The following CSF1R variants were observed in gnomAD, a reference collection of about 807,000 sequenced individuals.
CSF1R encodes the protein macrophage colony-stimulating factor 1 receptor.
In CSF1R, 40 loss-of-function variants were observed where a neutral mutation model predicts 110.0. That is an observed-to-expected ratio of 0.36 (90% CI 0.28 to 0.47). The LOEUF (loss-of-function observed/expected upper bound fraction) is 0.47. Among genes scored for constraint, CSF1R ranks in the 20% least tolerant of loss-of-function variants. The pLI, the probability that CSF1R is intolerant of heterozygous loss-of-function variation, is 0.99. For missense variants in CSF1R, 1,052 were observed against 1,253.0 expected, an observed-to-expected ratio of 0.84 and a Z score of 2.42; for synonymous variants, 523 against 503.4, an observed-to-expected ratio of 1.04 and a Z score of -0.52.
chr5:150,106,368 C>A (rs942091091), intron 1 of CSF1R, among the ~76,000 whole-genome samples: 9 of 152,100 alleles, frequency 5.9e-5, no homozygotes, highest in Non-Finnish European at 1.5e-5. Flanking sequence ...ACTCCTGGAC[C>A]CTGGAACCTC....
In CSF1R at chr5:150,077,301, G is replaced by T. The variant is rs767928259; in HGVS notation, c.864C>A (p.Ser288=). The part of the protein sequence containing the change: ...CVASNVQGKH[S]TSMFFRVVES... ...CTACCACCCGGAAGAACATGGAGGT[G>T]GAGTGCTTGCCCTGCACGTTGCTGG... The change falls in exon 5 of 21, where the codon TCC becomes TCA. Residue 288 remains serine, a synonymous_variant. Coordinates refer to ENST00000675795, the MANE Select transcript of CSF1R (RefSeq NM_001288705.3). 6.2e-7 allele frequency: 1 copy of T among 1,614,214 alleles called. No individual in the cohort carries two copies. The highest frequency in any genetic ancestry group is 1.7e-5 in the Admixed American group (1 of 60,028).
chr5:150,057,149 C>T, intron 16 of CSF1R, 138 bp downstream of exon 16: 1 of 699,986 alleles, frequency 1.4e-6, no homozygotes, highest in South Asian at 1.9e-5. Flanking sequence ...GCAGCTGCTG[C>T]CCAAATGACT....
At chr5:150,082,006 G>T (rs566811633) in intron 1 of CSF1R, among the ~76,000 whole-genome samples, 1 of 152,222 alleles carries the variant, frequency 6.6e-6, no homozygotes, top group Non-Finnish European at 1.5e-5. Context: ...CATTGTTGGC[G>T]TCAGGCTCAG....
At chr5:150,104,645 A>G (rs879925004) in intron 1 of CSF1R, among the ~76,000 whole-genome samples, 6 of 152,222 alleles carry the variant, frequency 3.9e-5, no homozygotes, top group African/African-American at 1.2e-4. Flanking sequence ...ACTGAAGAGC[A>G]AACCAAGGCT....
rs753056755 is a variant in CSF1R, at chr5:150,069,862, C to T, written c.1510+11G>A. 1.3e-5 allele frequency: 21 copies of T among 1,594,492 alleles called. No individual in the cohort carries two copies. Among genetic ancestry groups the T allele is most frequent in the African/African-American group, 4.0e-5 (3 of 74,460 alleles). ...CGGGGGGGCGGTGCGGGTGCGAAGGCTCCCTCTCACCTGCAGAGATGGGTA... is the reference window on the plus strand; with the variant it reads ...CGGGGGGGCGGTGCGGGTGCGAAGGTTCCCTCTCACCTGCAGAGATGGGTA... On this transcript the variant is annotated intron_variant, in intron 9 of 20. Transcript: ENST00000675795.
At chr5:150,108,247 G>A (rs1407455889) in intron 1 of CSF1R, among the ~76,000 whole-genome samples, 2 of 152,232 alleles carry the variant, frequency 1.3e-5, no homozygotes, top group Non-Finnish European at 2.9e-5. Flanking sequence ...GCTGAAGAAT[G>A]AGGAAAGCTT....
At chr5:150,082,080 C>T (rs1758573335) in intron 1 of CSF1R, among the ~76,000 whole-genome samples, 1 of 152,230 alleles carries the variant, frequency 6.6e-6, no homozygotes, top group Non-Finnish European at 1.5e-5. Flanking sequence ...CTTCCCCAGC[C>T]TCCTAGCCAC....
At chr5:150,084,383 GAAAGAAA>G in intron 1 of CSF1R, among the ~76,000 whole-genome samples, 2 of 47,822 alleles carry the variant, frequency 4.2e-5, no homozygotes, top group African/African-American at 1.4e-4. Context: ...AAGAAAGAAA[GAAAGAAA>G]GAAGGAAGGA....
chr5:150,104,258 G>A (rs184501472), intron 1 of CSF1R, among the ~76,000 whole-genome samples: 19 of 152,332 alleles, frequency 1.2e-4, no homozygotes, highest in Admixed American at 1.0e-3. Flanking sequence ...GGTGGAGGAG[G>A]GGTATAACCA....
At chr5:150,063,761 T>C (rs1757636833) in intron 10 of CSF1R, among the ~76,000 whole-genome samples, 1 of 151,914 alleles carries the variant, frequency 6.6e-6, no homozygotes, top group South Asian at 2.1e-4. Context: ...AAGACCAAGT[T>C]GAGGGGGAAA....
intron 10 of CSF1R, among the ~76,000 whole-genome samples, chr5:150,062,111 C>T (rs1274201138): frequency 6.6e-6 from 1 of 152,140 alleles, no homozygotes; most frequent in Non-Finnish European, 1.5e-5. Context: ...TTGGACAAGA[C>T]AACCTCTGAG....
chr5:150,085,833 TG>T (rs1039537081), intron 1 of CSF1R, among the ~76,000 whole-genome samples: 6 of 152,142 alleles, frequency 3.9e-5, no homozygotes, highest in Non-Finnish European at 4.4e-5. Flanking sequence ...AATCACAGGC[TG>T]GCAGAGCTGC....
At chr5:150,067,442 C>T (rs216149) in intron 10 of CSF1R, among the ~76,000 whole-genome samples, 34,977 of 152,084 alleles carry the variant, frequency 0.23, 5,869 homozygotes, top group East Asian at 0.5. Flanking sequence ...CTCTGTAAAA[C>T]AGACTAATGC....
rs748641028 is a variant in CSF1R, at chr5:150,059,759, C to G, written c.2073G>C (p.Gln691His). ...TATAGTCGACGCCTCCCTCGGGGTC[C>G]TGGCCGGGGCTCAGGCTGGGTCCCA... Reference protein sequence around the residue: ...AMLGPSLSPGQDPEGGVDYKN... With the variant: ...AMLGPSLSPGHDPEGGVDYKN... The change falls in exon 14 of 21, where the codon CAG becomes CAC. Residue 691 changes from glutamine (Q) to histidine (H), a missense_variant. Physicochemically the swap from Gln to His is conservative, Grantham distance 24 (BLOSUM62 0). Coordinates refer to ENST00000675795, the MANE Select transcript of CSF1R (RefSeq NM_001288705.3). 5.8e-5 allele frequency: 93 copies of G among 1,614,028 alleles called. No homozygotes were observed. The highest frequency in any genetic ancestry group is 1.6e-4 in the Middle Eastern group (1 of 6,084).
chr5:150,091,091 C>G (rs1443850111), upstream of CSF1R, among the ~76,000 whole-genome samples: 1 of 151,986 alleles, frequency 6.6e-6, no homozygotes, highest in Non-Finnish European at 1.5e-5. Flanking sequence ...CTTGAGATAC[C>G]ACTTCATATC....
chr5:150,059,948 A>C, intron 13 of CSF1R, 86 bp from the exon 14 acceptor site: 1 of 1,469,098 alleles, frequency 6.8e-7, no homozygotes, highest in Non-Finnish European at 9.2e-7. Context: ...CAGTGAGGCC[A>C]CTGGACTTGG....
intron 1 of CSF1R, 117 bp downstream of exon 1, chr5:150,086,262 G>A (rs988266610): frequency 2.0e-6 from 2 of 986,234 alleles, no homozygotes; most frequent in Non-Finnish European, 3.1e-6. Flanking sequence ...GCAGTCCAGT[G>A]TTGGGGAGAC....
chr5:150,078,850 C>G (rs1208346709), intron 3 of CSF1R, among the ~76,000 whole-genome samples: 3 of 152,168 alleles, frequency 2.0e-5, no homozygotes, highest in Non-Finnish European at 4.4e-5. Flanking sequence ...AATTCCTCAG[C>G]AAGGCTTCTG....
intron 1 of CSF1R, among the ~76,000 whole-genome samples, chr5:150,106,588 C>T (rs571381008): frequency 6.6e-6 from 1 of 152,280 alleles, no homozygotes; most frequent in African/African-American, 2.4e-5. Context: ...TATCTCTAGG[C>T]CTGAGGATTG....
Sources: gnomAD v4.1 joint callset for allele counts (sites outside exome capture counted in the v4.1 genomes callset) on GRCh38, gnomAD v4.1.1 for gene constraint, MANE v1.5 for transcripts, NCBI Gene and HGNC (gene_info 2026-07-23, HGNC 2026-07-21) for gene names.